The following GUCY1A2 variants were observed in gnomAD, a reference collection of about 807,000 sequenced individuals.
The protein encoded by GUCY1A2 is guanylate cyclase 1 soluble subunit alpha 2, also known as guanylate cyclase soluble subunit alpha-2.
A neutral mutation model predicts 63.5 loss-of-function variants in GUCY1A2; 27 were observed. That is an observed-to-expected ratio of 0.43 (90% confidence interval 0.31 to 0.59). GUCY1A2 has a LOEUF of 0.59. Among genes scored for constraint, GUCY1A2 ranks in the 20% least tolerant of loss-of-function variants. GUCY1A2 has a pLI of 0.11. For missense variants in GUCY1A2, 768 were observed against 913.3 expected (o/e 0.84, Z 2.05); for synonymous variants, 364 against 343.5 (o/e 1.06, Z -0.66).
chr11:106,705,057 A>AAACTT (rs1187468592), intron 7 of GUCY1A2, among the ~76,000 whole-genome samples: 1 of 152,014 alleles, frequency 6.6e-6, no homozygotes, highest in Non-Finnish European at 1.5e-5. Flanking sequence ...CTAATTTGGA[A>AAACTT]AACTTAAAAC....
At chr11:107,000,059 T>C (rs942574155) in intron 1 of GUCY1A2, among the ~76,000 whole-genome samples, 16 of 152,236 alleles carry the variant, frequency 1.1e-4, no homozygotes, top group African/African-American at 3.6e-4. Flanking sequence ...GTTAGCCACC[T>C]GCAATAAGCT....
intron 5 of GUCY1A2, among the ~76,000 whole-genome samples, chr11:106,787,411 C>CTTTGT (rs1864575721): frequency 8.9e-5 from 1 of 11,210 alleles, no homozygotes; most frequent in Non-Finnish European, 1.5e-4. Context: ...ATTTGCCTTA[C>CTTTGT]TTTGTTTTTT....
intron 6 of GUCY1A2, among the ~76,000 whole-genome samples, chr11:106,753,322 G>C (rs1011663465): frequency 6.6e-6 from 1 of 152,162 alleles, no homozygotes; most frequent in African/African-American, 2.4e-5. Flanking sequence ...TAGGTTGCCT[G>C]TTCACTCTGC....
At chr11:106,824,755 T>A in intron 4 of GUCY1A2, 9 of 1,502,936 alleles carry the variant, frequency 6.0e-6, no homozygotes, top group Non-Finnish European at 8.0e-6. Context: ...GAAAACTGAA[T>A]AGCTGGATTT....
At chr11:106,832,191 T>C (rs1056917430) in intron 4 of GUCY1A2, among the ~76,000 whole-genome samples, 2 of 152,168 alleles carry the variant, frequency 1.3e-5, no homozygotes, top group Non-Finnish European at 2.9e-5. Context: ...TGAAAGTAAT[T>C]GTATGTGTAG....
intron 6 of GUCY1A2, among the ~76,000 whole-genome samples, chr11:106,769,571 A>G (rs1422374676): frequency 6.6e-6 from 1 of 152,188 alleles, no homozygotes; most frequent in African/African-American, 2.4e-5. Flanking sequence ...AAACACATTT[A>G]TAGTTACAAA....
At chr11:106,695,955 G>A (rs991646800) in intron 7 of GUCY1A2, among the ~76,000 whole-genome samples, 1 of 152,042 alleles carries the variant, frequency 6.6e-6, no homozygotes, top group Admixed American at 6.6e-5. Context: ...AAATGATAAG[G>A]CAGAGAGTCT....
intron 4 of GUCY1A2, among the ~76,000 whole-genome samples, chr11:106,929,827 T>A (rs1005484188): frequency 6.6e-6 from 1 of 152,170 alleles, no homozygotes; most frequent in Non-Finnish European, 1.5e-5. Flanking sequence ...GGTTTTGCCT[T>A]CTGAAACAAA....
Position 106,679,831 on chromosome 11 carries a change from C to T in GUCY1A2, c.*7718G>A, listed in dbSNP as rs938153739. On this transcript the variant is annotated 3_prime_UTR_variant, in exon 8 of 8. Transcript: ENST00000526355. ...TCATTGTAACCAAGACTAGTTCTAT[C>T]TGCCACCTTCAGAAAGCATCTATTT... is the stretch of plus-strand genomic sequence containing the variant. 4.6e-6 allele frequency: 1 copy of T among 217,792 alleles called. No homozygotes were observed. The highest frequency in any genetic ancestry group is 9.2e-6 in the Non-Finnish European group (1 of 108,348). The allele number at this position is 217,792 out of a possible 1,614,324, so 13.5% of individuals were successfully genotyped here.
chr11:106,978,704 A>G lies in GUCY1A2; in HGVS notation c.402T>C (p.Ser134=), dbSNP rs1472687890. ...AGTGGTCTGCATAGGAGCATCTGTT[A>G]GAGATATTGTGGAAATTCTTTTCTG... The part of the protein sequence containing the change: ...RDAEKNFHNI[S]NRCSYADHSN... Residue 134 remains serine, a synonymous_variant, in exon 3 of 8, where the codon TCT becomes TCC. Transcript: ENST00000526355. 6.3e-7 allele frequency: 1 copy of G among 1,590,988 alleles called. No individual in the cohort carries two copies. Among genetic ancestry groups the G allele is most frequent in the Non-Finnish European group, 8.6e-7 (1 of 1,162,926 alleles).
chr11:106,798,098 C>G (rs1388366789), intron 5 of GUCY1A2, among the ~76,000 whole-genome samples: 4 of 152,116 alleles, frequency 2.6e-5, no homozygotes, highest in Admixed American at 2.6e-4. Flanking sequence ...ACCAATCCCA[C>G]AGAAATACAA....
chr11:106,902,114 T>C (rs1033191425), intron 4 of GUCY1A2, among the ~76,000 whole-genome samples: 9 of 152,326 alleles, frequency 5.9e-5, no homozygotes, highest in East Asian at 3.9e-4. Context: ...AATGATGTTA[T>C]GTTAGCAGGC....
At chr11:106,835,753 T>A (rs926490704) in intron 4 of GUCY1A2, among the ~76,000 whole-genome samples, 1 of 151,902 alleles carries the variant, frequency 6.6e-6, no homozygotes, top group Admixed American at 6.6e-5. Flanking sequence ...AAATAATAAC[T>A]GTCATCCTAG....
chr11:106,849,351 TTATA>T (rs1565309260), intron 4 of GUCY1A2, among the ~76,000 whole-genome samples: 1 of 149,118 alleles, frequency 6.7e-6, no homozygotes, highest in Non-Finnish European at 1.5e-5. Flanking sequence ...TTTACATATA[TTATA>T]TATGTAATAT....
At chr11:106,859,977 CATG>C (rs1334033226) in intron 4 of GUCY1A2, among the ~76,000 whole-genome samples, 1 of 151,976 alleles carries the variant, frequency 6.6e-6, no homozygotes, top group East Asian at 1.9e-4. Flanking sequence ...TTAAGTAATG[CATG>C]ACTGTACTGT....
chr11:107,001,139 A>G (rs529146956), intron 1 of GUCY1A2, among the ~76,000 whole-genome samples: 1 of 152,342 alleles, frequency 6.6e-6, no homozygotes, highest in East Asian at 1.9e-4. Context: ...TGGAAGAAAG[A>G]TAAAATCTTT....
chr11:106,877,680 A>G (rs756596166), intron 4 of GUCY1A2, among the ~76,000 whole-genome samples: 9 of 152,182 alleles, frequency 5.9e-5, no homozygotes, highest in Non-Finnish European at 1.0e-4. Flanking sequence ...ACCCTGGAAG[A>G]TAATTGAGGT....
At chr11:106,723,106 C>T (rs975313996) in intron 6 of GUCY1A2, among the ~76,000 whole-genome samples, 2 of 152,128 alleles carry the variant, frequency 1.3e-5, no homozygotes, top group African/African-American at 2.4e-5. Flanking sequence ...TTTGTCTCCC[C>T]GATCCTTTAT....
At chr11:106,691,951 T>G (rs73547929) in intron 7 of GUCY1A2, among the ~76,000 whole-genome samples, 17,125 of 151,816 alleles carry the variant, frequency 0.11, 1,003 homozygotes, top group Middle Eastern at 0.14. Flanking sequence ...TACTGGGGGG[T>G]TTGTGGAGGA....
Sources: gnomAD v4.1 joint callset for allele counts (sites outside exome capture counted in the v4.1 genomes callset) on GRCh38, gnomAD v4.1.1 for gene constraint, MANE v1.5 for transcripts, NCBI Gene and HGNC (gene_info 2026-07-23, HGNC 2026-07-21) for gene names.